The following AOPEP variants were observed in gnomAD, a reference collection of about 807,000 sequenced individuals.
AOPEP encodes aminopeptidase O (putative).
A neutral mutation model predicts 98.1 loss-of-function variants in AOPEP; 77 were observed. The ratio of observed to expected loss-of-function variants is 0.78; its 90% CI spans 0.65 to 0.95. AOPEP has a LOEUF of 0.95. Among genes scored for constraint, AOPEP ranks in the 40% least tolerant of loss-of-function variants. The probability of loss-of-function intolerance (pLI) is 0.00; values close to 1 mark genes in which losing one functional copy is unlikely to be tolerated. For synonymous variants in AOPEP, 346 were observed against 365.3 expected, an observed-to-expected ratio of 0.95 and a Z score of 0.60; for missense variants, 1,024 against 1,024.7, an observed-to-expected ratio of 1.00 and a Z score of 0.01.
At chr9:94,989,877 G>A (rs1029212987) in intron 11 of AOPEP, among the ~76,000 whole-genome samples, 5 of 152,192 alleles carry the variant, frequency 3.3e-5, no homozygotes, top group African/African-American at 1.2e-4. Flanking sequence ...CCAAAGTGCT[G>A]GGATTACAGG....
chr9:94,928,512 G>A lies in AOPEP; in HGVS notation c.1642G>A (p.Glu548Lys), dbSNP rs898416175. Residue 548 changes from glutamate (E) to lysine (K), a missense_variant, in exon 7 of 17, where the codon GAG (glutamate) becomes AAG (lysine). Physicochemically the swap from Glu to Lys is moderately conservative, Grantham distance 56. Coordinates refer to ENST00000375315, the MANE Select transcript of AOPEP (RefSeq NM_001193329.3). ...CCAGGACGAGATGCAATGCTCCCCCGAGGAGATGCAGGTGTTAAGGTAAAG... is the reference window on the plus strand; with the variant it reads ...CCAGGACGAGATGCAATGCTCCCCCAAGGAGATGCAGGTGTTAAGGTAAAG... ...RLQDEMQCSP[E>K]EMQVLRPSKD... The A allele has an allele frequency of 8.4e-6, 13 of 1,550,660 alleles. No individual in the cohort carries two copies. Among genetic ancestry groups the A allele is most frequent in the Admixed American group, 7.8e-5 (4 of 50,990 alleles).
intron 7 of AOPEP, among the ~76,000 whole-genome samples, chr9:94,938,073 C>T (rs995562036): frequency 3.9e-5 from 6 of 152,212 alleles, no homozygotes; most frequent in Non-Finnish European, 8.8e-5. Context: ...CAGGATTTCA[C>T]TGTGTTAGCC....
the AOPEP span, among the ~76,000 whole-genome samples, chr9:95,132,571 G>T: frequency 6.6e-6 from 1 of 152,168 alleles, no homozygotes; most frequent in South Asian, 2.1e-4. Context: ...CTTGATGTAG[G>T]AGCTACCAAC....
chr9:94,965,659 T>C (rs994851707), intron 9 of AOPEP, among the ~76,000 whole-genome samples: 1 of 152,216 alleles, frequency 6.6e-6, no homozygotes, highest in Non-Finnish European at 1.5e-5. Flanking sequence ...ATCTGCAGAC[T>C]TGGTTCTATT....
intron 13 of AOPEP, among the ~76,000 whole-genome samples, chr9:95,058,638 T>A (rs2067043229): frequency 6.6e-6 from 1 of 152,132 alleles, no homozygotes. Context: ...GTAGAGCAGG[T>A]CCCCATCCTG....
At chr9:94,897,908 C>T (rs534869245) in intron 5 of AOPEP, among the ~76,000 whole-genome samples, 166 of 149,318 alleles carry the variant, frequency 1.1e-3, no homozygotes, top group Non-Finnish European at 1.8e-3. Flanking sequence ...AGCACTATCT[C>T]GGCTCACTGC....
intron 13 of AOPEP, among the ~76,000 whole-genome samples, chr9:95,008,843 A>G (rs988904310): frequency 3.3e-5 from 5 of 152,058 alleles, no homozygotes; most frequent in African/African-American, 4.8e-5. Flanking sequence ...ATTTATTTCC[A>G]TTTTATTTTA....
At chr9:94,907,377 T>C (rs533911601) in intron 5 of AOPEP, among the ~76,000 whole-genome samples, 1 of 152,182 alleles carries the variant, frequency 6.6e-6, no homozygotes, top group South Asian at 2.1e-4. Context: ...GAGGCTGGTG[T>C]CCAGATCAAG....
chr9:94,739,353 T>C (rs1832534363), intron 1 of AOPEP, among the ~76,000 whole-genome samples: 1 of 152,048 alleles, frequency 6.6e-6, no homozygotes, highest in South Asian at 2.1e-4. Context: ...GTTTAAAGAT[T>C]TGGAGTGTTG....
chr9:95,065,814 C>A lies in AOPEP; in HGVS notation c.2232+5004C>A, dbSNP rs139723891. 3.3e-5 allele frequency among the ~76,000 whole-genome samples: 5 copies of A among 152,306 alleles called. No individual in the cohort carries two copies. In the East Asian group the frequency reaches 7.7e-4, roughly 24 times the overall value. On this transcript the variant is annotated intron_variant, in intron 14 of 16. Coordinates refer to ENST00000375315, the MANE Select transcript of AOPEP (RefSeq NM_001193329.3). ...GTTTCTCACAGTATGATTGCAGGTA[C>A]AGGGGTCTGGCTTACTGGCCCATTG...
chr9:95,018,642 CCT>C (rs2063202758), intron 13 of AOPEP, among the ~76,000 whole-genome samples: 3 of 152,176 alleles, frequency 2.0e-5, no homozygotes, highest in African/African-American at 7.2e-5. Flanking sequence ...CTGTTCTTAT[CCT>C]CTCTGGAATT....
intron 5 of AOPEP, among the ~76,000 whole-genome samples, chr9:94,911,070 TGATAGA>T (rs922238181): frequency 6.6e-5 from 10 of 152,268 alleles, no homozygotes; most frequent in African/African-American, 2.2e-4. Flanking sequence ...TAGAAACAAT[TGATAGA>T]GATAGAGGGA....
At chr9:94,754,730 G>A (rs1413480542) in intron 1 of AOPEP, among the ~76,000 whole-genome samples, 1 of 152,208 alleles carries the variant, frequency 6.6e-6, no homozygotes, top group East Asian at 1.9e-4. Flanking sequence ...GGAGTTACAG[G>A]GAATTTTTAG....
At chr9:95,103,654 G>A in the AOPEP span, among the ~76,000 whole-genome samples, 4 of 152,228 alleles carry the variant, frequency 2.6e-5, no homozygotes, top group Non-Finnish European at 5.9e-5. Context: ...CCGCAGGGAC[G>A]TTGGGCAGGG....
At chr9:94,991,358 T>A (rs1186650465) in intron 11 of AOPEP, among the ~76,000 whole-genome samples, 1 of 152,250 alleles carries the variant, frequency 6.6e-6, no homozygotes, top group Non-Finnish European at 1.5e-5. Flanking sequence ...TTTCTGGTAT[T>A]GTGCAACTTT....
intron 11 of AOPEP, among the ~76,000 whole-genome samples, chr9:95,000,846 A>G (rs975310579): frequency 6.7e-6 from 1 of 149,648 alleles, no homozygotes; most frequent in Non-Finnish European, 1.5e-5. Context: ...TTTTAAATTC[A>G]CCCTGAACGT....
chr9:95,083,452 G>A (rs1195844218), intron 16 of AOPEP, among the ~76,000 whole-genome samples: 4 of 136,278 alleles, frequency 2.9e-5, no homozygotes, highest in Non-Finnish European at 4.7e-5. Flanking sequence ...ACCAAACAGC[G>A]CACGCACCAC....
chr9:95,075,728 TAA>T (rs58379982), intron 14 of AOPEP, among the ~76,000 whole-genome samples: 1 of 151,354 alleles, frequency 6.6e-6, no homozygotes, highest in African/African-American at 2.4e-5. Context: ...AAAAAGTAAT[TAA>T]AAAAAAATTA....
At chr9:94,947,560 T>G (rs1433800727) in intron 7 of AOPEP, among the ~76,000 whole-genome samples, 1 of 152,210 alleles carries the variant, frequency 6.6e-6, no homozygotes, top group African/African-American at 2.4e-5. Flanking sequence ...CATTTTTACA[T>G]TCAGTATAAT....
Sources: allele counts gnomAD v4.1 joint callset (sites outside exome capture counted in the v4.1 genomes callset), GRCh38; gene constraint gnomAD v4.1.1; transcripts MANE v1.5; gene names NCBI Gene and HGNC (gene_info 2026-07-23, HGNC 2026-07-21).